RIN2: variants seen among roughly 807,000 people sequenced by gnomAD.
The protein encoded by RIN2 is RAB5 interacting protein 2.
RIN2 carries 36 observed loss-of-function variants against 78.0 expected under a neutral mutation model. The ratio of observed to expected loss-of-function variants is 0.46; its 90% confidence interval spans 0.35 to 0.61. The LOEUF is 0.61. RIN2 is among the 20% of genes least tolerant of loss of function. RIN2 has a pLI of 0.00. For synonymous variants in RIN2, 466 were observed against 466.8 expected (o/e 1.00, Z 0.02); for missense variants, 1,087 against 1,159.7 (o/e 0.94, Z 0.91).
rs554197677 is a variant in RIN2 at position 19,994,775 on chromosome 20, CA to C, written c.2201-1903del. Among the ~76,000 whole-genome samples, 32 of 152,278 alleles carry C rather than the reference CA, an allele frequency of 2.1e-4. 1 individual carries two copies. The East Asian group carries it at 6.2e-3, about 29-fold the overall frequency. On this transcript the variant is annotated intron_variant, in intron 11 of 12. Coordinates refer to ENST00000255006, the MANE Select transcript of RIN2 (RefSeq NM_018993.4). ...ATCTGTATTCTGGATTACTGAGTTT[CA>C]CACACAGTCACATGCTGATTTGTTT...
At chr20:19,803,985 T>C (rs2035327947) in intron 2 of RIN2, among the ~76,000 whole-genome samples, 1 of 152,222 alleles carries the variant, frequency 6.6e-6, no homozygotes, top group Non-Finnish European at 1.5e-5. Context: ...CATTCATGAT[T>C]TGGCTCTCTG....
At chr20:19,761,828 A>G (rs1208563222) in intron 1 of RIN2, among the ~76,000 whole-genome samples, 3 of 152,182 alleles carry the variant, frequency 2.0e-5, no homozygotes, top group African/African-American at 7.2e-5. Context: ...CAGCCTCTGG[A>G]GAGCACTGCC....
chr20:19,766,869 G>A (rs1020668646), intron 1 of RIN2, among the ~76,000 whole-genome samples: 5 of 150,312 alleles, frequency 3.3e-5, no homozygotes, highest in African/African-American at 1.2e-4. Flanking sequence ...CTGAGATCGC[G>A]CCACTGCACT....
chr20:19,885,081 T>C lies in RIN2; in HGVS notation c.-36-4485T>C, dbSNP rs2038138471. 2.0e-5 allele frequency among the ~76,000 whole-genome samples: 3 copies of C among 152,230 alleles called. No homozygotes were observed. The South Asian group carries it at 6.2e-4, about 31-fold the overall frequency. On this transcript the variant is annotated intron_variant, in intron 2 of 12. Coordinates refer to ENST00000255006, the MANE Select transcript of RIN2 (RefSeq NM_018993.4). Reference sequence around the variant, plus strand: ...TAGAAAGCTTCTGTAGCCAACCTCATGCAGCACGGAGATGAGAATCCAGGA... The same window carrying C: ...TAGAAAGCTTCTGTAGCCAACCTCACGCAGCACGGAGATGAGAATCCAGGA...
chr20:19,932,638 T>G (rs2040484515), intron 3 of RIN2, among the ~76,000 whole-genome samples: 1 of 152,168 alleles, frequency 6.6e-6, no homozygotes, highest in South Asian at 2.1e-4. Context: ...TTCTGACCTC[T>G]AAGTCCTGGG....
chr20:19,970,791 A>T (rs1436792989), intron 7 of RIN2, 47 bp from the exon 8 acceptor site: 1 of 1,403,506 alleles, frequency 7.1e-7, no homozygotes, highest in Non-Finnish European at 1.0e-6. Flanking sequence ...ACAAGATAGA[A>T]AGCAGACATG....
intron 2 of RIN2, among the ~76,000 whole-genome samples, chr20:19,842,899 A>G (rs2036627126): frequency 6.6e-6 from 1 of 152,024 alleles, no homozygotes; most frequent in Non-Finnish European, 1.5e-5. Context: ...CACAAAGAAC[A>G]TTCATGATTC....
rs1370733922 is a variant in RIN2 at position 19,833,263 on chromosome 20, TATAG to T, written c.-37+33528_-37+33531del. 3.4e-5 allele frequency among the ~76,000 whole-genome samples: 5 copies of T among 148,840 alleles called. No individual in the cohort carries two copies. The East Asian group carries it at 6.0e-4, about 18-fold the overall frequency. ...AATCATAATAAAACCTATATCTATA[TATAG>T]ATAGATAGATATAGGTTATATATAT... On this transcript the variant is annotated intron_variant, in intron 2 of 12. Coordinates refer to ENST00000255006, the MANE Select transcript of RIN2 (RefSeq NM_018993.4).
chr20:19,942,382 T>G (rs1476677797), intron 4 of RIN2, among the ~76,000 whole-genome samples: 1 of 152,192 alleles, frequency 6.6e-6, no homozygotes, highest in African/African-American at 2.4e-5. Context: ...AAAAATGCCC[T>G]AAAGAGCTGT....
chr20:19,935,622 C>T, intron 4 of RIN2: 1 of 990,742 alleles, frequency 1.0e-6, no homozygotes, highest in Non-Finnish European at 1.2e-6. Flanking sequence ...GAGAAAAACC[C>T]CAGCAGTCTC....
At chr20:19,778,959 G>A (rs2034404784) in intron 1 of RIN2, among the ~76,000 whole-genome samples, 1 of 152,156 alleles carries the variant, frequency 6.6e-6, no homozygotes, top group African/African-American at 2.4e-5. Context: ...CTGACTCAGA[G>A]TAGAGTTTGG....
At chr20:19,820,814 C>T (rs2035904440) in intron 2 of RIN2, among the ~76,000 whole-genome samples, 1 of 152,204 alleles carries the variant, frequency 6.6e-6, no homozygotes, top group African/African-American at 2.4e-5. Flanking sequence ...ATAATTCCTT[C>T]TGCACCATAT....
chr20:19,978,276 A>G (rs1481732419), intron 9 of RIN2, among the ~76,000 whole-genome samples: 1 of 152,224 alleles, frequency 6.6e-6, no homozygotes, highest in Admixed American at 6.5e-5. Flanking sequence ...TGAAGTCAAG[A>G]AGGTAGGAGG....
intron 2 of RIN2, among the ~76,000 whole-genome samples, chr20:19,862,022 AC>A (rs1481003294): frequency 2.7e-5 from 4 of 150,250 alleles, no homozygotes; most frequent in Non-Finnish European, 5.9e-5. Flanking sequence ...TCTGATGATC[AC>A]CCTCCATATC....
chr20:19,837,415 A>G (rs1224087299), intron 2 of RIN2, among the ~76,000 whole-genome samples: 2 of 152,232 alleles, frequency 1.3e-5, no homozygotes, highest in Non-Finnish European at 2.9e-5. Context: ...AATCTTCACT[A>G]ATTTCACAAA....
At chr20:19,900,931 C>A (rs943863210) in intron 3 of RIN2, among the ~76,000 whole-genome samples, 1 of 94,800 alleles carries the variant, frequency 1.1e-5, no homozygotes, top group South Asian at 4.0e-4. Flanking sequence ...GCCTGGGCAA[C>A]AAGAGCTCTG....
At chr20:19,878,176 G>T (rs2037914782) in intron 2 of RIN2, among the ~76,000 whole-genome samples, 1 of 152,078 alleles carries the variant, frequency 6.6e-6, no homozygotes, top group Non-Finnish European at 1.5e-5. Flanking sequence ...GAGCAAACAA[G>T]TTGTGCCAGT....
intron 2 of RIN2, among the ~76,000 whole-genome samples, chr20:19,861,662 C>G (rs1007891712): frequency 6.6e-6 from 1 of 151,212 alleles, no homozygotes; most frequent in African/African-American, 2.4e-5. Flanking sequence ...TGATCACTCT[C>G]CATATCTGAT....
chr20:19,956,535 C>A, intron 4 of RIN2, 80 bp from the exon 5 acceptor site: 1 of 1,367,024 alleles, frequency 7.3e-7, no homozygotes, highest in South Asian at 1.2e-5. Context: ...CAAGCCTGGC[C>A]TATGAACTTG....
Sources: gnomAD v4.1 joint callset for allele counts (sites outside exome capture counted in the v4.1 genomes callset) on GRCh38, gnomAD v4.1.1 for gene constraint, MANE v1.5 for transcripts, NCBI Gene and HGNC (gene_info 2026-07-23, HGNC 2026-07-21) for gene names.